The following MAP2K5 variants were observed in gnomAD, a reference collection of about 807,000 sequenced individuals.
The protein encoded by MAP2K5 is mitogen-activated protein kinase kinase 5, also known as dual specificity mitogen-activated protein kinase kinase 5.
A neutral mutation model predicts 83.1 loss-of-function variants in MAP2K5; 49 were observed. That is an observed-to-expected ratio of 0.59 (90% confidence interval 0.47 to 0.75). The LOEUF is 0.75. MAP2K5 is among the 30% of genes least tolerant of loss of function. The probability of loss-of-function intolerance (pLI) is 0.00; values close to 1 mark genes in which losing one functional copy is unlikely to be tolerated. For synonymous variants in MAP2K5, 202 were observed against 191.8 expected (o/e 1.05, Z -0.44); for missense variants, 457 against 557.5 (o/e 0.82, Z 1.82).
At chr15:67,714,286 T>C (rs1045570520) in intron 16 of MAP2K5, among the ~76,000 whole-genome samples, 2 of 152,030 alleles carry the variant, frequency 1.3e-5, no homozygotes, top group Admixed American at 6.6e-5. Flanking sequence ...AGTAAGCCTT[T>C]TGAAATAGCA....
At chr15:67,735,045 A>G (rs1201529395) in intron 17 of MAP2K5, among the ~76,000 whole-genome samples, 1 of 152,252 alleles carries the variant, frequency 6.6e-6, no homozygotes, top group Non-Finnish European at 1.5e-5. Flanking sequence ...TTTATATTCC[A>G]TAAAATGCAG....
intron 4 of MAP2K5, among the ~76,000 whole-genome samples, chr15:67,585,342 A>C (rs188714403): frequency 9.2e-5 from 14 of 152,302 alleles, no homozygotes; most frequent in African/African-American, 3.1e-4. Flanking sequence ...ATCTTAGCAT[A>C]TGTCAAGATT....
At chr15:67,726,346 A>G (rs1370826222) in intron 16 of MAP2K5, among the ~76,000 whole-genome samples, 1 of 152,216 alleles carries the variant, frequency 6.6e-6, no homozygotes, top group Non-Finnish European at 1.5e-5. Flanking sequence ...ATGTCTAAGC[A>G]ACAAAATATT....
chr15:67,654,712 A>G (rs1041107273), intron 11 of MAP2K5, among the ~76,000 whole-genome samples: 1 of 152,124 alleles, frequency 6.6e-6, no homozygotes, highest in African/African-American at 2.4e-5. Flanking sequence ...AGGGATTACA[A>G]TTAACTTCTT....
Position 67,563,423 on chromosome 15 carries a change from T to G in MAP2K5, c.252+73T>G, listed in dbSNP as rs1381583893. 6.6e-7 allele frequency: 1 copy of G among 1,524,442 alleles called. No individual in the cohort carries two copies. Among genetic ancestry groups the G allele is most frequent in the East Asian group, 2.3e-5 (1 of 43,136 alleles). The allele number at this position is 1,524,442 out of a possible 1,614,324, so 94.4% of individuals were successfully genotyped here. ...TGAGGATGCTGTTTCTTGGGCATAG[T>G]GAAGACGAGTAAATAAATCACAGTT... On this transcript the variant is annotated intron_variant, in intron 3 of 21. Transcript: ENST00000178640. This position sits in a 1 kb window ranked among gnomAD's most constrained non-coding sequence, Gnocchi z 4.5.
At chr15:67,721,787 C>A (rs2088965533) in intron 16 of MAP2K5, among the ~76,000 whole-genome samples, 1 of 152,154 alleles carries the variant, frequency 6.6e-6, no homozygotes, top group African/African-American at 2.4e-5. Context: ...TCACTATATT[C>A]TCTTGAGAGT....
Position 67,701,792 on chromosome 15 carries a change from C to G in MAP2K5, c.973-1545C>G, listed in dbSNP as rs549820978. ...CTCAGGCAGTTCTGCGATGGCTGCT[C>G]CAAAAACTGCACATTGAGAAATACT... is the stretch of plus-strand genomic sequence containing the variant. On this transcript the variant is annotated intron_variant, in intron 15 of 21. Transcript: ENST00000178640. Among the ~76,000 whole-genome samples the G allele has an allele frequency of 2.6e-5, 4 of 152,288 alleles. No individual in the cohort carries two copies. The East Asian group carries it at 5.8e-4, about 22-fold the overall frequency.
At chr15:67,685,455 G>C (rs973489825) in intron 13 of MAP2K5, among the ~76,000 whole-genome samples, 1 of 151,462 alleles carries the variant, frequency 6.6e-6, no homozygotes, top group East Asian at 1.9e-4. Context: ...AAGCTATTTA[G>C]GATGAAGGAA....
At chr15:67,658,979 T>C (rs2141141911) in intron 12 of MAP2K5, 1 of 346,362 alleles carries the variant, frequency 2.9e-6, no homozygotes, top group East Asian at 7.6e-5. Context: ...TCTGAGTTGT[T>C]AAAGCAGTCT....
At chr15:67,693,396 C>A in intron 14 of MAP2K5, 122 bp from the exon 15 acceptor site, 1 of 740,062 alleles carries the variant, frequency 1.4e-6, no homozygotes, top group South Asian at 1.6e-5. Context: ...TAAATTTGTT[C>A]CCTTTTACAT....
At position 67,600,665 on chromosome 15, in the gene MAP2K5, T is replaced by C. The variant is rs369673989; in HGVS notation, c.481-20T>C. 2.9e-5 allele frequency: 47 copies of C among 1,601,650 alleles called. No homozygotes were observed. Among genetic ancestry groups the C allele is most frequent in the Non-Finnish European group, 3.9e-5 (46 of 1,173,436 alleles). ...TCCACAGCATGACACCCTTTTTGTT[T>C]TTCTTTCTTTCTTGTGGAGATGAAT... is the stretch of plus-strand genomic sequence containing the variant. On this transcript the variant is annotated intron_variant, in intron 7 of 21. Transcript: ENST00000178640.
At chr15:67,651,792 G>A (rs753272355) in intron 11 of MAP2K5, among the ~76,000 whole-genome samples, 1 of 152,024 alleles carries the variant, frequency 6.6e-6, no homozygotes, top group Non-Finnish European at 1.5e-5. Flanking sequence ...TCATATCTTG[G>A]CTATTGTGAA....
rs889984003 is a variant in MAP2K5, at chr15:67,778,721, C to T, written c.1242+5969C>T. Among the ~76,000 whole-genome samples the T allele has an allele frequency of 6.6e-6, 1 of 152,164 alleles. No individual in the cohort carries two copies. Among genetic ancestry groups the T allele is most frequent in the Admixed American group, 6.5e-5 (1 of 15,286 alleles). On this transcript the variant is annotated intron_variant, in intron 21 of 21. Transcript: ENST00000178640. This position sits in a 1 kb window ranked among gnomAD's most constrained non-coding sequence, Gnocchi z 5.0. Reference sequence around the variant, plus strand: ...GTTACTGTTTACTAGAAGCACGGGGCTCAGATCAATTCAAAATGATCACCA... The same window carrying T: ...GTTACTGTTTACTAGAAGCACGGGGTTCAGATCAATTCAAAATGATCACCA...
chr15:67,772,931 TA>T (rs2090169206), intron 21 of MAP2K5, among the ~76,000 whole-genome samples, 179 bp downstream of exon 21: 1 of 152,226 alleles, frequency 6.6e-6, no homozygotes, highest in East Asian at 1.9e-4. Flanking sequence ...GTTTACTTTT[TA>T]AAAACCCACC....
rs1167789121 is a variant in MAP2K5, at chr15:67,750,550, T to A, written c.1134+1949T>A. The stretch of plus-strand genomic sequence containing the variant: ...GGACCAAGGACTGATTGCATCAGAA[T>A]TACCTAAGGCTCTTGTTGTAATGCA... On this transcript the variant is annotated intron_variant, in intron 19 of 21. Transcript: ENST00000178640. The surrounding 1 kb of genome is among the most constrained non-coding windows in gnomAD (Gnocchi z 4.2). 6.6e-6 allele frequency among the ~76,000 whole-genome samples: 1 copy of A among 152,202 alleles called. No individual in the cohort carries two copies. The highest frequency in any genetic ancestry group is 1.5e-5 in the Non-Finnish European group (1 of 68,028).
At chr15:67,700,158 C>T (rs539939612) in intron 15 of MAP2K5, among the ~76,000 whole-genome samples, 2 of 152,174 alleles carry the variant, frequency 1.3e-5, no homozygotes, top group Admixed American at 6.5e-5. Context: ...TGTAAACAGA[C>T]GGTTCTGGAG....
At position 67,676,843 on chromosome 15, in the gene MAP2K5, A is replaced by C. The variant is rs1179647980; in HGVS notation, c.847+12198A>C. Among the ~76,000 whole-genome samples the C allele has an allele frequency of 6.6e-6, 1 of 152,166 alleles. No homozygotes were observed. Among genetic ancestry groups the C allele is most frequent in the Admixed American group, 6.5e-5 (1 of 15,272 alleles). On this transcript the variant is annotated intron_variant, in intron 13 of 21. Transcript: ENST00000178640. This position sits in a 1 kb window ranked among gnomAD's most constrained non-coding sequence, Gnocchi z 4.8. ...AGGAAAGTGGTTGGTGGCCTAATGG[A>C]AAAGCTCTAGTATGAGGGTCAGACC...
At chr15:67,754,832 G>A (rs960477903) in intron 19 of MAP2K5, among the ~76,000 whole-genome samples, 1 of 152,172 alleles carries the variant, frequency 6.6e-6, no homozygotes, top group Admixed American at 6.5e-5. Flanking sequence ...ATGCCAAAAA[G>A]CGTAGGTGTT....
chr15:67,610,586 C>T (rs1408604504), intron 8 of MAP2K5, among the ~76,000 whole-genome samples: 1 of 152,088 alleles, frequency 6.6e-6, no homozygotes, highest in Non-Finnish European at 1.5e-5. Context: ...AAGGCATTTA[C>T]CGCGTATAAC....
Sources: gnomAD v4.1 joint callset for allele counts (sites outside exome capture counted in the v4.1 genomes callset) on GRCh38, gnomAD v4.1.1 for gene constraint, Gnocchi (gnomAD v3.1) non-coding constraint, MANE v1.5 for transcripts, NCBI Gene and HGNC (gene_info 2026-07-23, HGNC 2026-07-21) for gene names.